HDAC9: variants seen among roughly 807,000 people sequenced by gnomAD.
HDAC9 encodes the protein MEF-2 interacting transcription repressor (MITR) protein.
In HDAC9, 41 loss-of-function variants were observed where a neutral mutation model predicts 139.4. That is an observed-to-expected ratio of 0.29 (90% confidence interval 0.23 to 0.38). The LOEUF is 0.38. HDAC9 is among the 10% of genes least tolerant of loss of function. HDAC9 has a pLI of 1.00. For missense variants in HDAC9, 1,147 were observed against 1,297.0 expected (o/e 0.88, Z 1.78); for synonymous variants, 517 against 476.2 (o/e 1.09, Z -1.12).
chr7:18,251,923 T>A (rs931974075), intron 2 of HDAC9, among the ~76,000 whole-genome samples: 3 of 152,236 alleles, frequency 2.0e-5, no homozygotes, highest in Non-Finnish European at 4.4e-5. Context: ...AGATGCACTG[T>A]ATATACGTAT....
intron 2 of HDAC9, among the ~76,000 whole-genome samples, chr7:18,276,805 T>C (rs1382832871): frequency 6.6e-6 from 1 of 152,246 alleles, no homozygotes. Flanking sequence ...TTAGCCTGTC[T>C]AATATTTACT....
chr7:18,279,566 A>C (rs1458177206), intron 2 of HDAC9, among the ~76,000 whole-genome samples: 1 of 151,906 alleles, frequency 6.6e-6, no homozygotes, highest in Non-Finnish European at 1.5e-5. Context: ...CCCGGGTTCA[A>C]GCGATTCTCC....
At chr7:18,485,688 A>G (rs752960673) in intron 1 of HDAC9, among the ~76,000 whole-genome samples, 31 of 152,018 alleles carry the variant, frequency 2.0e-4, no homozygotes, top group Middle Eastern at 3.2e-3. Context: ...TCATAATGCT[A>G]GGAACTTTAT....
intron 8 of HDAC9, among the ~76,000 whole-genome samples, chr7:18,642,590 C>G (rs150911408): frequency 1.3e-5 from 2 of 152,112 alleles, no homozygotes; most frequent in South Asian, 2.1e-4. Context: ...AATTCTGGCC[C>G]AGGACACCAT....
chr7:18,731,055 C>G lies in HDAC9; in HGVS notation c.1909+3298C>G, dbSNP rs996717548. ...GCTGGAGAAAGGGATAATTCACATC[C>G]TGGGCAAGCCGGAGTGGGGCACTGT... On this transcript the variant is annotated intron_variant, in intron 13 of 25. Coordinates refer to ENST00000686413, the MANE Select transcript of HDAC9 (RefSeq NM_178425.4). 9.8e-5 allele frequency among the ~76,000 whole-genome samples: 15 copies of G among 152,336 alleles called. No homozygotes were observed. In the East Asian group the frequency reaches 2.5e-3, roughly 25 times the overall value.
chr7:18,105,024 C>T (rs905840635), intron 1 of HDAC9, among the ~76,000 whole-genome samples: 23 of 151,434 alleles, frequency 1.5e-4, no homozygotes, highest in Non-Finnish European at 3.2e-4. Context: ...TTGGAATAGC[C>T]TTTCTAAAAT....
chr7:18,962,981 T>C (rs1485700715), intron 24 of HDAC9, among the ~76,000 whole-genome samples: 1 of 152,188 alleles, frequency 6.6e-6, no homozygotes, highest in Non-Finnish European at 1.5e-5. Flanking sequence ...AAAGGATCTA[T>C]ATGACCTTCC....
intron 1 of HDAC9, among the ~76,000 whole-genome samples, chr7:18,400,107 A>C (rs548973090): frequency 6.6e-6 from 1 of 152,316 alleles, no homozygotes; most frequent in South Asian, 2.1e-4. Flanking sequence ...AGCAGCTAGC[A>C]TGGAGACTTG....
At chr7:18,517,026 C>G (rs1803446586) in intron 2 of HDAC9, among the ~76,000 whole-genome samples, 1 of 152,116 alleles carries the variant, frequency 6.6e-6, no homozygotes, top group Non-Finnish European at 1.5e-5. Flanking sequence ...ACAACCACCA[C>G]CATCACCCCA....
intron 21 of HDAC9, among the ~76,000 whole-genome samples, chr7:18,858,252 A>G (rs1337024472): frequency 6.6e-6 from 1 of 152,204 alleles, no homozygotes; most frequent in African/African-American, 2.4e-5. Context: ...TGCTGTGAAG[A>G]AATACCCTAG....
At chr7:18,114,103 T>G (rs567729508) in intron 1 of HDAC9, among the ~76,000 whole-genome samples, 5 of 152,224 alleles carry the variant, frequency 3.3e-5, no homozygotes, top group African/African-American at 1.2e-4. Context: ...AACACTGTTG[T>G]AGCCCACTCA....
chr7:18,541,498 C>A (rs1360673552), intron 2 of HDAC9, among the ~76,000 whole-genome samples: 2 of 151,924 alleles, frequency 1.3e-5, no homozygotes, highest in African/African-American at 4.8e-5. Flanking sequence ...ACATTCTTTC[C>A]TTAATTTTAT....
chr7:18,506,720 C>A (rs994586181), intron 2 of HDAC9, among the ~76,000 whole-genome samples: 1 of 151,888 alleles, frequency 6.6e-6, no homozygotes, highest in Non-Finnish European at 1.5e-5. Flanking sequence ...TAAATAACAC[C>A]AATGCTCCTA....
chr7:18,321,445 A>G (rs1040457568), intron 1 of HDAC9, among the ~76,000 whole-genome samples: 4 of 152,216 alleles, frequency 2.6e-5, no homozygotes, highest in Admixed American at 2.0e-4. Context: ...ATAACAGGCC[A>G]TTCTAAATAG....
chr7:18,779,643 A>G (rs2588599), intron 16 of HDAC9, among the ~76,000 whole-genome samples: 118,460 of 151,922 alleles, frequency 0.78, 46,804 homozygotes, highest in Non-Finnish European at 0.83. Context: ...TTCTTTATCT[A>G]TGAAATAGGG....
At chr7:18,861,288 A>G (rs969635392) in intron 21 of HDAC9, among the ~76,000 whole-genome samples, 3 of 152,142 alleles carry the variant, frequency 2.0e-5, no homozygotes, top group Non-Finnish European at 4.4e-5. Flanking sequence ...ACCAACTCCA[A>G]ACTAAGCATG....
At chr7:18,446,524 A>C (rs1469266358) in intron 1 of HDAC9, among the ~76,000 whole-genome samples, 1 of 152,184 alleles carries the variant, frequency 6.6e-6, no homozygotes, top group Non-Finnish European at 1.5e-5. Context: ...TAGGTTTTTT[A>C]ATTACAAAAG....
upstream of HDAC9, among the ~76,000 whole-genome samples, chr7:18,493,624 G>C (rs188743460): frequency 1.3e-5 from 2 of 151,964 alleles, no homozygotes; most frequent in East Asian, 3.9e-4. Flanking sequence ...ATGGTAACTA[G>C]CTGAGATGAT....
At chr7:18,714,847 T>C (rs539279823) in intron 12 of HDAC9, among the ~76,000 whole-genome samples, 1 of 152,302 alleles carries the variant, frequency 6.6e-6, no homozygotes, top group African/African-American at 2.4e-5. Flanking sequence ...GAGTCCACCA[T>C]TGTATCTTCT....
Sources: allele counts gnomAD v4.1 joint callset (sites outside exome capture counted in the v4.1 genomes callset), GRCh38; gene constraint gnomAD v4.1.1; transcripts MANE v1.5; gene names NCBI Gene and HGNC (gene_info 2026-07-23, HGNC 2026-07-21).